Variants in MAPDA observed in about 807,000 individuals in gnomAD.
MAPDA encodes the protein N6,N6-dimethyl-AMP deaminase.
chr15:43,346,486 C>G, the MAPDA span, among the ~76,000 whole-genome samples: 1 of 152,216 alleles, frequency 6.6e-6, no homozygotes, highest in Admixed American at 6.5e-5. Flanking sequence ...ATGCCAGTAG[C>G]ACTCTCCCAG....
At chr15:43,342,081 G>A in the MAPDA span, among the ~76,000 whole-genome samples, 2 of 151,922 alleles carry the variant, frequency 1.3e-5, no homozygotes, top group Admixed American at 6.6e-5. Flanking sequence ...TCAGGTGATC[G>A]GCCCGCCTCG....
the MAPDA span, chr15:43,336,535 T>C: frequency 2.2e-6 from 2 of 919,442 alleles, no homozygotes; most frequent in East Asian, 3.1e-5. Context: ...AATATAAATA[T>C]ATATTTACTA....
chr15:43,353,097 T>A, the MAPDA span: 1 of 152,068 alleles, frequency 6.6e-6, no homozygotes, highest in Non-Finnish European at 1.5e-5. Flanking sequence ...GTACTCACTT[T>A]CTGCTTGGTC....
the MAPDA span, among the ~76,000 whole-genome samples, chr15:43,341,666 C>CA: frequency 1.3e-5 from 2 of 151,474 alleles, no homozygotes; most frequent in South Asian, 2.1e-4. Flanking sequence ...TCATAAGACC[C>CA]CCCCCACCTC....
chr15:43,335,183 C>A, the MAPDA span: 1 of 1,612,216 alleles, frequency 6.2e-7, no homozygotes, highest in Non-Finnish European at 8.5e-7. Context: ...GAGAATTCAA[C>A]TACAGAAATC....
At chr15:43,348,298 C>T in the MAPDA span, among the ~76,000 whole-genome samples, 1 of 152,076 alleles carries the variant, frequency 6.6e-6, no homozygotes, top group African/African-American at 2.4e-5. Context: ...TTAGGTTTCA[C>T]GCTTATCTCT....
the MAPDA span, among the ~76,000 whole-genome samples, chr15:43,339,193 G>T: frequency 6.6e-6 from 1 of 152,228 alleles, no homozygotes; most frequent in South Asian, 2.1e-4. Flanking sequence ...CATGGAGGCT[G>T]CAGTATCATG....
At chr15:43,339,157 C>T in the MAPDA span, among the ~76,000 whole-genome samples, 3 of 152,128 alleles carry the variant, frequency 2.0e-5, no homozygotes, top group Non-Finnish European at 4.4e-5. Flanking sequence ...GTAGCAGTGC[C>T]GTGGGGCCAA....
At chr15:43,349,871 T>C in the MAPDA span, among the ~76,000 whole-genome samples, 1 of 152,238 alleles carries the variant, frequency 6.6e-6, no homozygotes, top group African/African-American at 2.4e-5. Flanking sequence ...CATAGTGATC[T>C]TACTTGGTGT....
chr15:43,342,957 G>A, the MAPDA span: 9 of 1,421,248 alleles, frequency 6.3e-6, no homozygotes, highest in African/African-American at 1.3e-4. Context: ...AATAGTTGAT[G>A]ATCTCTTTAC....
the MAPDA span, chr15:43,343,002 A>G: frequency 3.8e-6 from 6 of 1,578,426 alleles, no homozygotes; most frequent in African/African-American, 6.8e-5. Context: ...AGGAATGACT[A>G]AAAAGACTTA....
chr15:43,344,492 A>T, the MAPDA span, among the ~76,000 whole-genome samples: 1 of 152,214 alleles, frequency 6.6e-6, no homozygotes, highest in Admixed American at 6.5e-5. Context: ...TTAAAAAATT[A>T]TAGGGGTTCT....
the MAPDA span, among the ~76,000 whole-genome samples, chr15:43,345,333 C>T: frequency 2.2e-5 from 3 of 139,122 alleles, no homozygotes; most frequent in South Asian, 2.3e-4. Flanking sequence ...CCAGCCTGGG[C>T]GACAGAGTGA....
chr15:43,346,070 C>G, the MAPDA span: 1 of 1,537,136 alleles, frequency 6.5e-7, no homozygotes, highest in Non-Finnish European at 8.9e-7. Flanking sequence ...TTGCATTCTC[C>G]AGAGTGTCCA....
the MAPDA span, among the ~76,000 whole-genome samples, chr15:43,336,332 A>AT: frequency 6.6e-5 from 10 of 152,306 alleles, no homozygotes; most frequent in Middle Eastern, 3.4e-3. Flanking sequence ...GGCATGAGCC[A>AT]TTATACCCAG....
chr15:43,338,176 T>A, the MAPDA span, among the ~76,000 whole-genome samples: 2 of 152,228 alleles, frequency 1.3e-5, no homozygotes, highest in African/African-American at 4.8e-5. Context: ...TTAAATGAAG[T>A]GAGAAGATTC....
the MAPDA span, among the ~76,000 whole-genome samples, chr15:43,336,043 C>T: frequency 6.6e-6 from 1 of 151,940 alleles, no homozygotes; most frequent in Admixed American, 6.6e-5. Context: ...TTGGGATATT[C>T]TTTCTTTTCT....
chr15:43,345,836 GTCTT>G, the MAPDA span: 18 of 1,613,946 alleles, frequency 1.1e-5, no homozygotes, highest in South Asian at 2.0e-4. Context: ...TTTCAACTCT[GTCTT>G]TCTTACATTA....
chr15:43,351,190 G>C, the MAPDA span: 1 of 698,240 alleles, frequency 1.4e-6, no homozygotes, highest in Non-Finnish European at 2.4e-6. Context: ...GCTGAGTATG[G>C]TGGCGCACAC....
Sources: allele counts gnomAD v4.1 joint callset (sites outside exome capture counted in the v4.1 genomes callset), GRCh38; gene constraint gnomAD v4.1.1; transcripts MANE v1.5; gene names NCBI Gene and HGNC (gene_info 2026-07-23, HGNC 2026-07-21).